TMIE: variants seen among roughly 807,000 people sequenced by gnomAD.
TMIE encodes the protein transmembrane inner ear, also known as transmembrane inner ear expressed protein.
TMIE carries 14 observed loss-of-function variants against 16.8 expected under a neutral mutation model. That is an observed-to-expected ratio of 0.83 (90% confidence interval 0.55 to 1.30). The LOEUF is 1.30. Ranked by LOEUF, TMIE falls within the 50% of genes most tolerant of loss-of-function variation. The pLI is 0.00. For synonymous variants in TMIE, 75 were observed against 87.2 expected (o/e 0.86, Z 0.78); for missense variants, 204 against 205.9 (o/e 0.99, Z 0.06).
chr3:46,705,237 T>C (rs1011945670), intron 1 of TMIE, among the ~76,000 whole-genome samples: 2 of 152,220 alleles, frequency 1.3e-5, no homozygotes, highest in Non-Finnish European at 2.9e-5. Flanking sequence ...GTGCCTGTCC[T>C]GTGGACACTC....
At chr3:46,705,974 A>G in intron 2 of TMIE, 67 bp downstream of exon 2, 3 of 1,520,130 alleles carry the variant, frequency 2.0e-6, no homozygotes, top group Non-Finnish European at 1.8e-6. Flanking sequence ...TGCCCCCCAG[A>G]GGGCTCAGAG....
At chr3:46,707,195 G>T (rs572656692) in intron 2 of TMIE, among the ~76,000 whole-genome samples, 7 of 152,330 alleles carry the variant, frequency 4.6e-5, no homozygotes, top group Admixed American at 3.9e-4. Flanking sequence ...GGGCTCGGGG[G>T]TCATCTGCCC....
chr3:46,699,349 G>A (rs1318993728), upstream of TMIE, among the ~76,000 whole-genome samples: 1 of 152,184 alleles, frequency 6.6e-6, no homozygotes, highest in East Asian at 1.9e-4. Flanking sequence ...GGGATTACAG[G>A]TGTGAGCCAC....
chr3:46,696,786 A>C (rs1351705478), upstream of TMIE, among the ~76,000 whole-genome samples: 1 of 152,192 alleles, frequency 6.6e-6, no homozygotes, highest in Non-Finnish European at 1.5e-5. Context: ...AGCTAAAATT[A>C]GTACAGGAGG....
intron 2 of TMIE, among the ~76,000 whole-genome samples, chr3:46,707,053 C>G (rs1700560843): frequency 1.3e-5 from 2 of 152,262 alleles, no homozygotes; most frequent in South Asian, 4.1e-4. Context: ...CGCCCCCCAT[C>G]TGAGCAAGAG....
At chr3:46,702,481 C>A (rs1367881667) in intron 1 of TMIE, among the ~76,000 whole-genome samples, 1 of 152,074 alleles carries the variant, frequency 6.6e-6, no homozygotes, top group African/African-American at 2.4e-5. Context: ...AGCTGGCAGA[C>A]CAGACCTAGA....
intron 1 of TMIE, among the ~76,000 whole-genome samples, chr3:46,704,815 A>G (rs1700530045): frequency 6.9e-6 from 1 of 145,680 alleles, no homozygotes; most frequent in Non-Finnish European, 1.5e-5. Flanking sequence ...CATGTCCCCT[A>G]GACACCCAGG....
chr3:46,707,482 G>T (rs1039854389), intron 2 of TMIE, among the ~76,000 whole-genome samples: 20 of 152,304 alleles, frequency 1.3e-4, no homozygotes, highest in African/African-American at 4.8e-4. Context: ...CTCTCCTGGG[G>T]GGAAACATTT....
chr3:46,707,473 T>A (rs1700566731), intron 2 of TMIE, among the ~76,000 whole-genome samples: 1 of 152,110 alleles, frequency 6.6e-6, no homozygotes, highest in Non-Finnish European at 1.5e-5. Flanking sequence ...CACAGCTCCC[T>A]CTCCTGGGGG....
At chr3:46,704,726 TCCCC>T (rs1700528499) in intron 1 of TMIE, among the ~76,000 whole-genome samples, 1 of 60,272 alleles carries the variant, frequency 1.7e-5, no homozygotes, top group Non-Finnish European at 4.5e-5. Context: ...GTGGACCATG[TCCCC>T]TAGACACCCA....
intron 1 of TMIE, among the ~76,000 whole-genome samples, chr3:46,705,351 C>A (rs1203002667): frequency 1.3e-5 from 2 of 152,152 alleles, no homozygotes; most frequent in Non-Finnish European, 2.9e-5. Context: ...GGCCCAGACT[C>A]CTAGCTCCAC....
At chr3:46,696,669 G>T (rs1700414065), upstream of TMIE, among the ~76,000 whole-genome samples, 1 of 152,142 alleles carries the variant, frequency 6.6e-6, no homozygotes, top group South Asian at 2.1e-4. Flanking sequence ...CAGGCTCCAG[G>T]AGAGAACATT....
At chr3:46,705,980 C>CA (rs1700548301) in intron 2 of TMIE, 73 bp downstream of exon 2, 1 of 1,494,352 alleles carries the variant, frequency 6.7e-7, no homozygotes, top group African/African-American at 1.4e-5. Context: ...CCAGAGGGCT[C>CA]AGAGCAGCAA....
upstream of TMIE, among the ~76,000 whole-genome samples, chr3:46,698,060 TG>T (rs1236274818): frequency 6.3e-4 from 96 of 152,248 alleles, no homozygotes; most frequent in African/African-American, 2.2e-3. Context: ...TGTTTTGTTT[TG>T]TTTCTTTTTT....
chr3:46,695,424 G>A (rs780101933), intron 1 of TMIE, among the ~76,000 whole-genome samples: 14 of 152,186 alleles, frequency 9.2e-5, no homozygotes, highest in Non-Finnish European at 2.1e-4. Flanking sequence ...CTCCTTCTCG[G>A]GGTTATGTGG....
At position 46,705,850 on chromosome 3, in the gene TMIE, T is replaced by C; in HGVS notation, c.154T>C (p.Trp52Arg). The C allele has an allele frequency of 6.2e-7, 1 of 1,614,174 alleles. No individual in the cohort carries two copies. The highest frequency in any genetic ancestry group is 8.5e-7 in the Non-Finnish European group (1 of 1,180,044). The change falls in exon 2 of 4, where the codon TGG (tryptophan) becomes CGG (arginine). Residue 52 changes from tryptophan (W) to arginine (R), a missense_variant. Transcript: ENST00000643606. Reference sequence around the variant, plus strand: ...GCTGACCAAGGAGACAGTGGTGTTCTGGGACATGCGCCTGTGGCACGTGGT... The same window carrying C: ...GCTGACCAAGGAGACAGTGGTGTTCCGGGACATGCGCCTGTGGCACGTGGT... ...PPLTKETVVF[W>R]DMRLWHVVGI...
At chr3:46,698,875 G>T (rs1472370279), upstream of TMIE, among the ~76,000 whole-genome samples, 1 of 150,652 alleles carries the variant, frequency 6.6e-6, no homozygotes, top group Non-Finnish European at 1.5e-5. Flanking sequence ...AGAGACAGGG[G>T]TCTCACTATA....
intron 2 of TMIE, among the ~76,000 whole-genome samples, chr3:46,706,461 C>T (rs986781790): frequency 5.9e-5 from 9 of 152,162 alleles, no homozygotes; most frequent in South Asian, 2.1e-4. Context: ...TGGGCTTGGC[C>T]GGCTCCCCTT....
chr3:46,698,294 T>G (rs1700427852), upstream of TMIE, among the ~76,000 whole-genome samples: 1 of 152,174 alleles, frequency 6.6e-6, no homozygotes, highest in Non-Finnish European at 1.5e-5. Flanking sequence ...TCCGCCCACC[T>G]GAGCCTCCCA....
Sources: gnomAD v4.1 joint callset for allele counts (sites outside exome capture counted in the v4.1 genomes callset) on GRCh38, gnomAD v4.1.1 for gene constraint, MANE v1.5 for transcripts, NCBI Gene and HGNC (gene_info 2026-07-23, HGNC 2026-07-21) for gene names.